The following DDX60 variants were observed in gnomAD, a reference collection of about 807,000 sequenced individuals.
DDX60 encodes the protein DExD/H-box helicase 60, also known as probable ATP-dependent RNA helicase DDX60.
DDX60 carries 165 observed loss-of-function variants against 212.8 expected under a neutral mutation model. The observed-to-expected ratio is 0.78, with a 90% confidence interval of 0.68 to 0.88. The LOEUF (loss-of-function observed/expected upper bound fraction) is 0.88. DDX60 is among the 40% of genes least tolerant of loss of function. The pLI is 0.00. For synonymous variants in DDX60, 703 were observed against 685.3 expected, an observed-to-expected ratio of 1.03 and a Z score of -0.40; for missense variants, 1,905 against 2,003.9, an observed-to-expected ratio of 0.95 and a Z score of 0.94.
At chr4:168,286,417 C>CACACACACACA (rs1477194591) in intron 10 of DDX60, among the ~76,000 whole-genome samples, 7 of 97,308 alleles carry the variant, frequency 7.2e-5, no homozygotes, top group Non-Finnish European at 9.8e-5. Flanking sequence ...CACACACACA[C>CACACACACACA]CACACGAGAT....
At chr4:168,251,896 G>T (rs1053398783) in intron 27 of DDX60, among the ~76,000 whole-genome samples, 3 of 152,172 alleles carry the variant, frequency 2.0e-5, no homozygotes, top group African/African-American at 7.2e-5. Flanking sequence ...TACTATGAGT[G>T]ATGACATTGA....
chr4:168,248,592 C>T (rs1241765451), intron 28 of DDX60, among the ~76,000 whole-genome samples: 2 of 152,182 alleles, frequency 1.3e-5, no homozygotes, highest in Non-Finnish European at 2.9e-5. Flanking sequence ...ATAACCACCC[C>T]TACCATCATT....
Position 168,287,210 on chromosome 4 carries a change from A to G in DDX60, c.1184-7T>C. 1 of 1,594,538 alleles carries G rather than the reference A, an allele frequency of 6.3e-7. No individual in the cohort carries two copies. Among genetic ancestry groups the G allele is most frequent in the Non-Finnish European group, 8.6e-7 (1 of 1,168,178 alleles). The stretch of plus-strand genomic sequence containing the variant: ...CCCAAATTCAAATGTAGGCCTACAT[A>G]ACAATTAAAAACACTAAATACTAGA... On this transcript the variant is annotated splice_region_variant and splice_polypyrimidine_tract_variant and intron_variant, in intron 9 of 37. Coordinates refer to ENST00000393743, the MANE Select transcript of DDX60 (RefSeq NM_017631.6).
At chr4:168,273,500 G>A (rs1223841389) in intron 17 of DDX60, 102 bp from the exon 18 acceptor site, 8 of 1,417,972 alleles carry the variant, frequency 5.6e-6, no homozygotes, top group Non-Finnish European at 7.7e-6. Flanking sequence ...TTTCAGTGCA[G>A]AAAGCTTACT....
rs532145009 is a variant in DDX60, at chr4:168,217,735, C to T, written c.5040-703G>A. 2.0e-4 allele frequency among the ~76,000 whole-genome samples: 31 copies of T among 152,176 alleles called. No individual in the cohort carries two copies. In the South Asian group the frequency reaches 4.4e-3, roughly 21 times the overall value. Reference sequence around the variant, plus strand: ...GTCAGAATGATGCAGTGTGAGTCTACGAACCATTGCTGGCTTTGGAGATGA... The same window carrying T: ...GTCAGAATGATGCAGTGTGAGTCTATGAACCATTGCTGGCTTTGGAGATGA... On this transcript the variant is annotated intron_variant, in intron 37 of 37. Coordinates refer to ENST00000393743, the MANE Select transcript of DDX60 (RefSeq NM_017631.6).
intron 14 of DDX60, among the ~76,000 whole-genome samples, chr4:168,276,868 T>A (rs555688614): frequency 6.6e-6 from 1 of 152,320 alleles, no homozygotes; most frequent in East Asian, 1.9e-4. Flanking sequence ...TATGCACTGT[T>A]TTTCTAGGTG....
intron 17 of DDX60, 130 bp from the exon 18 acceptor site, chr4:168,273,528 C>G: frequency 9.5e-7 from 1 of 1,047,970 alleles, no homozygotes; most frequent in South Asian, 1.6e-5. Flanking sequence ...TTCATCAACC[C>G]ACTACTCTAA....
At chr4:168,225,114 A>G (rs57940351) in intron 34 of DDX60, among the ~76,000 whole-genome samples, 5,627 of 152,170 alleles carry the variant, frequency 0.037, 319 homozygotes, top group African/African-American at 0.12. Context: ...AGGCATGAGT[A>G]TGGAGTCTCT....
intron 3 of DDX60, among the ~76,000 whole-genome samples, chr4:168,310,173 A>C (rs1737067471): frequency 6.6e-6 from 1 of 152,188 alleles, no homozygotes; most frequent in African/African-American, 2.4e-5. Flanking sequence ...GAACTCCATG[A>C]GTTCAACACA....
chr4:168,246,665 T>C (rs1486203026), intron 29 of DDX60, 47 bp from the exon 30 acceptor site: 1 of 1,588,912 alleles, frequency 6.3e-7, no homozygotes, highest in Non-Finnish European at 8.6e-7. Context: ...TAAATGCTTC[T>C]ACTGCCATAG....
At chr4:168,268,819 TA>T in intron 20 of DDX60, 34 bp downstream of exon 20, 1 of 1,194,274 alleles carries the variant, frequency 8.4e-7, no homozygotes, top group Non-Finnish European at 1.2e-6. Context: ...TCAAAATAGA[TA>T]AACACTCTGT....
At chr4:168,321,862 TCAATAGAA>T (rs1260243134), upstream of DDX60, among the ~76,000 whole-genome samples, 2 of 152,150 alleles carry the variant, frequency 1.3e-5, no homozygotes, top group Non-Finnish European at 2.9e-5. Context: ...AGAACTCAAT[TCAATAGAA>T]TTCAATTCTA....
intron 1 of DDX60, among the ~76,000 whole-genome samples, chr4:168,312,855 G>A (rs1393015497): frequency 6.6e-6 from 1 of 151,190 alleles, no homozygotes; most frequent in African/African-American, 2.4e-5. Context: ...GTATATGACT[G>A]TAATGACAAA....
intron 10 of DDX60, among the ~76,000 whole-genome samples, chr4:168,286,389 T>TACACACACACACACACACAC (rs71867661): frequency 0.021 from 2,758 of 133,662 alleles, 42 homozygotes; most frequent in Middle Eastern, 0.032. Flanking sequence ...CTTGATTTTA[T>TACACACACACACACACACAC]ACACACACAC....
At chr4:168,319,008 G>A (rs1579098546), upstream of DDX60, among the ~76,000 whole-genome samples, 1 of 152,260 alleles carries the variant, frequency 6.6e-6, no homozygotes, top group South Asian at 2.1e-4. Context: ...GGTGTGTATA[G>A]TTAACAATAA....
intron 14 of DDX60, among the ~76,000 whole-genome samples, chr4:168,277,732 C>T (rs1735405637): frequency 6.6e-6 from 1 of 150,434 alleles, no homozygotes; most frequent in Non-Finnish European, 1.5e-5. Flanking sequence ...TGGCGTGAAC[C>T]CAGGAGGCAG....
At chr4:168,248,817 T>C (rs1020821215) in intron 28 of DDX60, among the ~76,000 whole-genome samples, 3 of 151,544 alleles carry the variant, frequency 2.0e-5, no homozygotes, top group Non-Finnish European at 4.4e-5. Flanking sequence ...TGGAGTGCAA[T>C]GGCACGATCT....
At chr4:168,237,641 C>A in intron 31 of DDX60, 50 bp downstream of exon 31, 2 of 1,460,120 alleles carry the variant, frequency 1.4e-6, no homozygotes, top group South Asian at 1.2e-5. Flanking sequence ...GATAAGAAAT[C>A]TAGATAGTAG....
At chr4:168,217,243 C>T (rs1220581251) in intron 37 of DDX60, among the ~76,000 whole-genome samples, 1 of 152,134 alleles carries the variant, frequency 6.6e-6, no homozygotes, top group African/African-American at 2.4e-5. Context: ...CCATGCAATT[C>T]TTCTCCATGA....
Sources: allele counts gnomAD v4.1 joint callset (sites outside exome capture counted in the v4.1 genomes callset), GRCh38; gene constraint gnomAD v4.1.1; transcripts MANE v1.5; gene names NCBI Gene and HGNC (gene_info 2026-07-23, HGNC 2026-07-21).